The following ZBTB11 variants were observed in gnomAD, a reference collection of about 807,000 sequenced individuals.
ZBTB11 encodes zinc finger and BTB domain containing 11, also known as zinc finger and BTB domain-containing protein 11.
Under a neutral mutation model 113.1 loss-of-function variants are expected in ZBTB11, and 68 were observed. The observed-to-expected ratio is 0.60, with a 90% CI of 0.49 to 0.74. The LOEUF (loss-of-function observed/expected upper bound fraction) is 0.74. ZBTB11 is among the 30% of genes least tolerant of loss of function. The pLI is 0.00. For synonymous variants in ZBTB11, 518 were observed against 452.6 expected (o/e 1.14, Z -1.83); for missense variants, 1,104 against 1,279.4 (o/e 0.86, Z 2.09).
chr3:101,670,455 A>G (rs984779756), intron 3 of ZBTB11, among the ~76,000 whole-genome samples: 6 of 152,238 alleles, frequency 3.9e-5, no homozygotes, highest in South Asian at 2.1e-4. Flanking sequence ...ATTTATTTAC[A>G]ATAATGATAC....
intron 5 of ZBTB11, among the ~76,000 whole-genome samples, chr3:101,660,917 T>C (rs1400965271): frequency 1.3e-5 from 2 of 152,046 alleles, no homozygotes; most frequent in Non-Finnish European, 2.9e-5. Context: ...ACCCATCCCC[T>C]TTTTGGAAAT....
intron 1 of ZBTB11, among the ~76,000 whole-genome samples, chr3:101,675,967 GTAACTGATATCTTT>G (rs1937160537): frequency 6.6e-6 from 1 of 151,906 alleles, no homozygotes; most frequent in African/African-American, 2.4e-5. Context: ...AACAAAAACA[GTAACTGATATCTTT>G]TACATTTACT....
intron 1 of ZBTB11, among the ~76,000 whole-genome samples, chr3:101,673,715 A>G (rs1439922717): frequency 2.0e-5 from 3 of 151,904 alleles, no homozygotes. Context: ...GGGTTTCACT[A>G]TTTTTGCCAG....
Position 101,659,769 on chromosome 3 carries a change from C to T in ZBTB11, c.2046+14G>A, listed in dbSNP as rs760172307. 1.4e-5 allele frequency: 23 copies of T among 1,612,968 alleles called. No individual in the cohort carries two copies. The highest frequency in any genetic ancestry group is 3.3e-4 in the Middle Eastern group (2 of 6,082). The stretch of plus-strand genomic sequence containing the variant: ...AATGTTCTTTAAATAGCAAAATAAA[C>T]GTTATAGCTTTACCTGGCATGCATG... On this transcript the variant is annotated intron_variant, in intron 6 of 10. Coordinates refer to ENST00000312938, the MANE Select transcript of ZBTB11 (RefSeq NM_014415.4).
chr3:101,659,717 T>C, intron 6 of ZBTB11, 66 bp downstream of exon 6: 1 of 1,568,000 alleles, frequency 6.4e-7, no homozygotes, highest in Non-Finnish European at 8.7e-7. Flanking sequence ...ATCCCACCAG[T>C]CTCTTTGGCA....
chr3:101,667,874 A>C (rs1283072332), intron 3 of ZBTB11, among the ~76,000 whole-genome samples: 1 of 152,208 alleles, frequency 6.6e-6, no homozygotes, highest in Admixed American at 6.5e-5. Context: ...TATCTACCCA[A>C]AGAAAAGAAA....
chr3:101,662,909 G>A (rs1936917522), intron 5 of ZBTB11, among the ~76,000 whole-genome samples: 1 of 151,270 alleles, frequency 6.6e-6, no homozygotes, highest in Non-Finnish European at 1.5e-5. Context: ...GACTACAGGT[G>A]TGTGCCACCA....
intron 6 of ZBTB11, among the ~76,000 whole-genome samples, chr3:101,658,904 GA>G (rs901717043): frequency 1.3e-5 from 2 of 151,812 alleles, no homozygotes; most frequent in Admixed American, 6.6e-5. Flanking sequence ...AATACAGAAA[GA>G]AAAAAAATCT....
chr3:101,659,216 G>A (rs1936847393), intron 6 of ZBTB11, among the ~76,000 whole-genome samples: 1 of 152,188 alleles, frequency 6.6e-6, no homozygotes, highest in South Asian at 2.1e-4. Context: ...ATTCCAGCCT[G>A]AGAGATAGAA....
In ZBTB11 at chr3:101,665,560, G is replaced by A. The variant is rs1014481445; in HGVS notation, c.1027C>T (p.Pro343Ser). Reference sequence around the variant, plus strand: ...GTGGTTCCCTCACTGCTAGCAACAGGAGGTGCTGTACCTCCATTCTGTACT... The same window carrying A: ...GTGGTTCCCTCACTGCTAGCAACAGAAGGTGCTGTACCTCCATTCTGTACT... The part of the protein sequence containing the change: ...LRVQNGGTAP[P>S]VASSEGTTTS... The change falls in exon 4 of 11, where the codon CCT becomes TCT. Residue 343 changes from proline to serine, a missense_variant. Around this residue, in one of 5 missense-constraint regions of ZBTB11, gnomAD observed 535 missense variants for 518.6 expected, o/e 1.03. Transcript: ENST00000312938. 2.5e-6 allele frequency: 4 copies of A among 1,614,204 alleles called. No individual in the cohort carries two copies. The highest frequency in any genetic ancestry group is 3.4e-6 in the Non-Finnish European group (4 of 1,180,040).
At chr3:101,661,743 C>T (rs761565655) in intron 5 of ZBTB11, among the ~76,000 whole-genome samples, 1 of 152,124 alleles carries the variant, frequency 6.6e-6, no homozygotes, top group Non-Finnish European at 1.5e-5. Flanking sequence ...TTATTTTCAT[C>T]CACTGTTCTG....
rs1936663408 is a variant in ZBTB11, at chr3:101,649,626, T to G, written c.*1540A>C. 1 of 152,616 alleles carries G rather than the reference T, an allele frequency of 6.6e-6. No individual in the cohort carries two copies. Among genetic ancestry groups the G allele is most frequent in the East Asian group, 1.9e-4 (1 of 5,204 alleles). 9.5% of individuals were successfully genotyped at this position (152,616 alleles called of 1,614,324 possible). On this transcript the variant is annotated 3_prime_UTR_variant, in exon 11 of 11. Coordinates refer to ENST00000312938, the MANE Select transcript of ZBTB11 (RefSeq NM_014415.4). ...AAAGATAAGATAAATGAGCAGCCAT[T>G]ATAAAGTTATGGGCTGTATGTCAAT...
In ZBTB11 at chr3:101,650,073, T is replaced by C. The variant is rs559634655; in HGVS notation, c.*1093A>G. On this transcript the variant is annotated 3_prime_UTR_variant, in exon 11 of 11. Transcript: ENST00000312938. ...AGTTTTCATAACCTTTAAAAATAAT[T>C]TATCTTCAACAATTTAGTGGAACTG... 1 of 152,478 alleles carries C rather than the reference T, an allele frequency of 6.6e-6. No individual in the cohort carries two copies. Among genetic ancestry groups the C allele is most frequent in the East Asian group, 1.9e-4 (1 of 5,188 alleles). 9.4% of individuals were successfully genotyped at this position (152,478 alleles called of 1,614,324 possible). A position where few individuals can be genotyped will look rare whatever the true frequency, so the allele number is the denominator to read the frequency against.
chr3:101,672,326 C>G, intron 1 of ZBTB11, 113 bp from the exon 2 acceptor site: 1 of 672,868 alleles, frequency 1.5e-6, no homozygotes. Flanking sequence ...ACATTCATGT[C>G]CCATAAAATA....
intron 8 of ZBTB11, among the ~76,000 whole-genome samples, chr3:101,653,217 C>T (rs1355978721): frequency 6.6e-6 from 1 of 152,108 alleles, no homozygotes. Flanking sequence ...CTTTGAGATC[C>T]CTATTTCAAC....
chr3:101,665,425 C>T lies in ZBTB11; in HGVS notation c.1162G>A (p.Val388Ile). The T allele has an allele frequency of 6.2e-7, 1 of 1,614,162 alleles. No individual in the cohort carries two copies. The highest frequency in any genetic ancestry group is 1.1e-5 in the South Asian group (1 of 91,082). Residue 388 changes from valine to isoleucine, a missense_variant, in exon 4 of 11, where the codon GTT becomes ATT. Transcript: ENST00000312938. Reference protein sequence around the residue: ...GEVGRQPEPQVSSEAESALSS... With the variant: ...GEVGRQPEPQISSEAESALSS... ...AGGGCAGATTCAGCCTCTGAAGAAA[C>T]CTGGGGCTCAGGCTGTCGTCCTACC... is the stretch of plus-strand genomic sequence containing the variant.
chr3:101,659,466 C>T (rs113824276), intron 6 of ZBTB11, among the ~76,000 whole-genome samples: 48 of 152,286 alleles, frequency 3.2e-4, no homozygotes, highest in African/African-American at 1.1e-3. Context: ...CCATGGGTTC[C>T]TTTCTAGTCC....
intron 3 of ZBTB11, among the ~76,000 whole-genome samples, chr3:101,668,670 G>A (rs1487880614): frequency 2.7e-5 from 4 of 149,892 alleles, no homozygotes; most frequent in Admixed American, 6.6e-5. Flanking sequence ...TCAACACAAA[G>A]AAAGGTGAAT....
At position 101,651,126 on chromosome 3, in the gene ZBTB11, G is replaced by A; in HGVS notation, c.*40C>T. On this transcript the variant is annotated 3_prime_UTR_variant, in exon 11 of 11. Coordinates refer to ENST00000312938, the MANE Select transcript of ZBTB11 (RefSeq NM_014415.4). Reference sequence around the variant, plus strand: ...TAAACAAATGTTCTGTGAGTTCAGTGTACAAGAGATGTCACTTCTTTTTAT... The same window carrying A: ...TAAACAAATGTTCTGTGAGTTCAGTATACAAGAGATGTCACTTCTTTTTAT... 2 of 1,530,342 alleles carry A rather than the reference G, an allele frequency of 1.3e-6. No individual in the cohort carries two copies. The highest frequency in any genetic ancestry group is 1.8e-6 in the Non-Finnish European group (2 of 1,142,294). The allele number at this position is 1,530,342 out of a possible 1,614,324, so 94.8% of individuals were successfully genotyped here. A position where few individuals can be genotyped will look rare whatever the true frequency, so the allele number is the denominator to read the frequency against.
Sources: allele counts gnomAD v4.1 joint callset (sites outside exome capture counted in the v4.1 genomes callset), GRCh38; gene constraint gnomAD v4.1.1; regional missense constraint gnomAD v4.1.1; transcripts MANE v1.5; gene names NCBI Gene and HGNC (gene_info 2026-07-23, HGNC 2026-07-21).